Variants in TMED5 observed in about 807,000 individuals in gnomAD.
TMED5 encodes transmembrane emp24 domain-containing protein 5.
A neutral mutation model predicts 23.0 loss-of-function variants in TMED5; 27 were observed. The observed-to-expected ratio is 1.17, with a 90% CI of 0.86 to 1.62. The LOEUF is 1.62. TMED5 is among the 40% of genes most tolerant of loss of function. TMED5 has a pLI of 0.00. For synonymous variants in TMED5, 97 were observed against 100.8 expected (o/e 0.96, Z 0.23); for missense variants, 248 against 273.7 (o/e 0.91, Z 0.66).
intron 2 of TMED5, among the ~76,000 whole-genome samples, chr1:93,158,040 C>T (rs554197449): frequency 1.4e-5 from 2 of 146,890 alleles, no homozygotes; most frequent in African/African-American, 2.5e-5. Flanking sequence ...AGGAGAATGG[C>T]GTGAACCCAG....
At chr1:93,178,244 T>A (rs1205096538) in intron 1 of TMED5, among the ~76,000 whole-genome samples, 1 of 152,208 alleles carries the variant, frequency 6.6e-6, no homozygotes, top group Admixed American at 6.5e-5. Context: ...CTAGACTTTA[T>A]ATGTCTTAAA....
At chr1:93,170,688 G>T (rs185394172) in intron 1 of TMED5, among the ~76,000 whole-genome samples, 1 of 152,238 alleles carries the variant, frequency 6.6e-6, no homozygotes, top group Non-Finnish European at 1.5e-5. Context: ...GCCAGCTGGG[G>T]TCCTGAGTCT....
intron 1 of TMED5, among the ~76,000 whole-genome samples, chr1:93,165,207 G>T (rs918171241): frequency 6.6e-6 from 1 of 152,198 alleles, no homozygotes; most frequent in Admixed American, 6.5e-5. Flanking sequence ...TTCCTGACTG[G>T]CAGAAACTAA....
intron 1 of TMED5, among the ~76,000 whole-genome samples, chr1:93,175,175 T>TA (rs1648864062): frequency 8.3e-6 from 1 of 119,872 alleles, no homozygotes; most frequent in African/African-American, 4.0e-5. Flanking sequence ...TAAAAGCCAT[T>TA]TATATATATA....
chr1:93,169,153 C>G (rs186776067), intron 1 of TMED5, among the ~76,000 whole-genome samples: 5 of 152,300 alleles, frequency 3.3e-5, no homozygotes, highest in African/African-American at 1.2e-4. Flanking sequence ...ACATTCTTCT[C>G]AAGCTCATAT....
At chr1:93,163,878 GAGGTTGAGGC>G (rs1320784585) in intron 1 of TMED5, among the ~76,000 whole-genome samples, 1 of 151,506 alleles carries the variant, frequency 6.6e-6, no homozygotes, top group Non-Finnish European at 1.5e-5. Flanking sequence ...AGGTACCTGG[GAGGTTGAGGC>G]AGGAGAATTG....
In TMED5 at chr1:93,180,177, C is replaced by T. The variant is rs535235504; in HGVS notation, c.66G>A (p.Leu22=). 1 of 1,613,512 alleles carries T rather than the reference C, an allele frequency of 6.2e-7. No homozygotes were observed. ...LLLAALPPVL[L]PGAAGFTPSL... ...AAGGTGTGAAGCCGGCCGCCCCAGGCAGCAGCACCGGAGGCAGAGCGGCCA... is the reference window on the plus strand; with the variant it reads ...AAGGTGTGAAGCCGGCCGCCCCAGGTAGCAGCACCGGAGGCAGAGCGGCCA... The change falls in exon 1 of 4, where the codon CTG becomes CTA. Residue 22 remains leucine, a synonymous_variant. Transcript: ENST00000370282.
Position 93,149,799 on chromosome 1 carries a change from A to G in TMED5, c.*4871T>C, listed in dbSNP as rs1353500277. On this transcript the variant is annotated 3_prime_UTR_variant, in exon 4 of 4. Transcript: ENST00000370282. Reference sequence around the variant, plus strand: ...TTGTAATTGTTCCATTTTGTTAGCTATTGTTAATCTCTTAATGTGCCTAAT... The same window carrying G: ...TTGTAATTGTTCCATTTTGTTAGCTGTTGTTAATCTCTTAATGTGCCTAAT... 1 of 152,182 alleles carries G rather than the reference A, an allele frequency of 6.6e-6. No homozygotes were observed. The highest frequency in any genetic ancestry group is 1.5e-5 in the Non-Finnish European group (1 of 68,040). 9.4% of individuals were successfully genotyped at this position (152,182 alleles called of 1,614,324 possible).
chr1:93,172,760 C>T (rs890074982), intron 1 of TMED5, among the ~76,000 whole-genome samples: 1 of 152,064 alleles, frequency 6.6e-6, no homozygotes, highest in Admixed American at 6.6e-5. Flanking sequence ...TGGTATACAT[C>T]CAAAGGAACT....
chr1:93,158,604 C>T (rs1301532005), intron 2 of TMED5, among the ~76,000 whole-genome samples: 3 of 140,744 alleles, frequency 2.1e-5, no homozygotes, highest in Non-Finnish European at 4.5e-5. Context: ...GAGATGGAGT[C>T]TCTGTCGCCA....
At chr1:93,179,100 G>A (rs951235306) in intron 1 of TMED5, among the ~76,000 whole-genome samples, 3 of 152,196 alleles carry the variant, frequency 2.0e-5, no homozygotes, top group Admixed American at 6.5e-5. Context: ...GGTGGCTCAC[G>A]CCTGTAATCC....
intron 2 of TMED5, among the ~76,000 whole-genome samples, chr1:93,156,754 G>A (rs1261247270): frequency 7.0e-6 from 1 of 143,668 alleles, no homozygotes; most frequent in Non-Finnish European, 1.5e-5. Flanking sequence ...GATGCAGTGA[G>A]GCATGATCAT....
At chr1:93,172,727 A>T (rs1246666698) in intron 1 of TMED5, among the ~76,000 whole-genome samples, 2 of 152,200 alleles carry the variant, frequency 1.3e-5, no homozygotes, top group African/African-American at 2.4e-5. Context: ...TACAACTACC[A>T]TATCATCTAG....
intron 1 of TMED5, among the ~76,000 whole-genome samples, chr1:93,166,853 A>G (rs1331376253): frequency 6.6e-6 from 1 of 152,138 alleles, no homozygotes; most frequent in Non-Finnish European, 1.5e-5. Context: ...AATGTCCTGG[A>G]GAGTTATCCT....
In TMED5 at chr1:93,180,343, G is replaced by A; in HGVS notation, c.-101C>T. 2 of 1,406,958 alleles carry A rather than the reference G, an allele frequency of 1.4e-6. No individual in the cohort carries two copies. Among genetic ancestry groups the A allele is most frequent in the Non-Finnish European group, 1.9e-6 (2 of 1,049,876 alleles). 87.2% of individuals were successfully genotyped at this position (1,406,958 alleles called of 1,614,324 possible). A position where few individuals can be genotyped will look rare whatever the true frequency, so the allele number is the denominator to read the frequency against. ...CTCGTGGTTGACAGGGAAATCTGGAGTCTGAAGAAACTCCAGGTGGCGGCC... is the reference window on the plus strand; with the variant it reads ...CTCGTGGTTGACAGGGAAATCTGGAATCTGAAGAAACTCCAGGTGGCGGCC... On this transcript the variant is annotated 5_prime_UTR_variant, in exon 1 of 4. Coordinates refer to ENST00000370282, the MANE Select transcript of TMED5 (RefSeq NM_016040.5).
intron 3 of TMED5, 146 bp downstream of exon 3, chr1:93,156,154 G>T: frequency 9.0e-7 from 1 of 1,109,422 alleles, no homozygotes; most frequent in South Asian, 1.6e-5. Flanking sequence ...GCTGATACTT[G>T]AGGTCAAAGT....
chr1:93,173,333 A>G (rs1011304209), intron 1 of TMED5, among the ~76,000 whole-genome samples: 1 of 152,236 alleles, frequency 6.6e-6, no homozygotes, highest in Non-Finnish European at 1.5e-5. Context: ...TTGCCAATCA[A>G]AAATAATACT....
intron 1 of TMED5, among the ~76,000 whole-genome samples, chr1:93,175,412 ATATAT>A (rs755785985): frequency 1.4e-5 from 2 of 147,658 alleles, no homozygotes; most frequent in Admixed American, 6.8e-5. Flanking sequence ...ATGTATATGA[ATATAT>A]TATATATTTT....
At chr1:93,178,382 G>A (rs1040811535) in intron 1 of TMED5, among the ~76,000 whole-genome samples, 20 of 152,022 alleles carry the variant, frequency 1.3e-4, no homozygotes, top group African/African-American at 4.8e-4. Context: ...TGGCATTTTC[G>A]TCTCAATTAA....
Sources: allele counts gnomAD v4.1 joint callset (sites outside exome capture counted in the v4.1 genomes callset), GRCh38; gene constraint gnomAD v4.1.1; transcripts MANE v1.5; gene names NCBI Gene and HGNC (gene_info 2026-07-23, HGNC 2026-07-21).